TASOR: variants seen among roughly 807,000 people sequenced by gnomAD.
The protein encoded by TASOR is protein TASOR.
A neutral mutation model predicts 178.6 loss-of-function variants in TASOR; 53 were observed. That is an observed-to-expected ratio of 0.30 (90% CI 0.24 to 0.37). TASOR has a LOEUF of 0.37. Among genes scored for constraint, TASOR ranks in the 10% least tolerant of loss-of-function variants. The probability of loss-of-function intolerance (pLI) is 1.00; values close to 1 mark genes in which losing one functional copy is unlikely to be tolerated. For synonymous variants in TASOR, 713 were observed against 696.2 expected, an observed-to-expected ratio of 1.02 and a Z score of -0.38; for missense variants, 1,815 against 1,971.4, an observed-to-expected ratio of 0.92 and a Z score of 1.50.
intron 18 of TASOR, among the ~76,000 whole-genome samples, chr3:56,631,521 C>T (rs868753447): frequency 1.3e-5 from 2 of 151,586 alleles, no homozygotes; most frequent in Non-Finnish European, 1.5e-5. Flanking sequence ...AACAAACTTA[C>T]GTATCTATGT....
At chr3:56,643,054 A>G (rs968686810) in intron 14 of TASOR, among the ~76,000 whole-genome samples, 1 of 152,074 alleles carries the variant, frequency 6.6e-6, no homozygotes, top group Non-Finnish European at 1.5e-5. Flanking sequence ...ACCTGAAGTC[A>G]GGAGTTCGAA....
At position 56,624,993 on chromosome 3, in the gene TASOR, C is replaced by G; in HGVS notation, c.4153G>C (p.Ala1385Pro). ...TTCAGAAGCGTCAACAGACTTAGAGCTTTAGCATTCAATCTGTGAAATTAA... is the reference window on the plus strand; with the variant it reads ...TTCAGAAGCGTCAACAGACTTAGAGGTTTAGCATTCAATCTGTGAAATTAA... ...LKELGRLNAKALSLLTLLNVY... is the reference protein window; with the variant it reads ...LKELGRLNAKPLSLLTLLNVY... Residue 1385 changes from alanine (A) to proline (P), a missense_variant, in exon 22 of 24, where the codon GCT (alanine) becomes CCT (proline). By Grantham distance (27) the Ala-to-Pro change is conservative. Coordinates refer to ENST00000683822, the MANE Select transcript of TASOR (RefSeq NM_001365635.2). 1.2e-6 allele frequency: 2 copies of G among 1,613,850 alleles called. No homozygotes were observed. Among genetic ancestry groups the G allele is most frequent in the African/African-American group, 1.3e-5 (1 of 75,048 alleles).
rs1310031547 is a variant in TASOR at position 56,621,190 on chromosome 3, A to AAAC, written c.*1846_*1847insGTT. On this transcript the variant is annotated 3_prime_UTR_variant, in exon 24 of 24. Coordinates refer to ENST00000683822, the MANE Select transcript of TASOR (RefSeq NM_001365635.2). ...AAAACAAAACAACAACAACAAAAAA[A>AAAC]AAACACTGTATGTTAAGGGAGACTC... The AAAC allele has an allele frequency of 6.0e-6, 1 of 165,402 alleles. No individual in the cohort carries two copies. The highest frequency in any genetic ancestry group is 2.4e-5 in the African/African-American group (1 of 41,914). The allele number at this position is 165,402 out of a possible 1,614,324, so 10.2% of individuals were successfully genotyped here. A position where few individuals can be genotyped will look rare whatever the true frequency, so the allele number is the denominator to read the frequency against.
chr3:56,682,580 G>T, intron 1 of TASOR, 96 bp downstream of exon 1: 6 of 1,120,796 alleles, frequency 5.4e-6, no homozygotes, highest in Non-Finnish European at 7.2e-6. Flanking sequence ...GCGTGTTTAC[G>T]TATCTCGGAT....
At chr3:56,672,346 A>G (rs2030818920) in intron 2 of TASOR, among the ~76,000 whole-genome samples, 1 of 152,218 alleles carries the variant, frequency 6.6e-6, no homozygotes, top group African/African-American at 2.4e-5. Context: ...AATAATCGCT[A>G]CCATACCATG....
rs558830096 is a variant in TASOR, at chr3:56,666,674, G to A, written c.898-290C>T. On this transcript the variant is annotated intron_variant, in intron 6 of 23. Transcript: ENST00000683822. ...TTTCCTAATAAAAATATTATAAACA[G>A]AGCCTAAGCTCCCAGGTCAGCTCAG... 6.9e-4 allele frequency among the ~76,000 whole-genome samples: 105 copies of A among 152,000 alleles called. 1 individual carries two copies. Among genetic ancestry groups the A allele is most frequent in the African/African-American group, 2.5e-3 (105 of 41,452 alleles).
intron 1 of TASOR, 62 bp from the exon 2 acceptor site, chr3:56,673,787 T>C: frequency 1.3e-5 from 18 of 1,381,682 alleles, no homozygotes; most frequent in Non-Finnish European, 1.7e-5. Context: ...TATAGCTTTT[T>C]ATATTTTTGT....
intron 15 of TASOR, among the ~76,000 whole-genome samples, chr3:56,640,530 G>T (rs1301378889): frequency 6.6e-6 from 1 of 151,924 alleles, no homozygotes; most frequent in South Asian, 2.1e-4. Flanking sequence ...AAATACAAAA[G>T]ATATCAGAAA....
intron 16 of TASOR, among the ~76,000 whole-genome samples, 154 bp downstream of exon 16, chr3:56,639,832 T>A (rs2077087265): frequency 6.6e-6 from 1 of 152,216 alleles, no homozygotes; most frequent in Non-Finnish European, 1.5e-5. Context: ...TGATGAACAC[T>A]GTATTACTCA....
chr3:56,669,911 A>G, intron 4 of TASOR, 120 bp from the exon 5 acceptor site: 1 of 925,864 alleles, frequency 1.1e-6, no homozygotes, highest in Non-Finnish European at 1.6e-6. Flanking sequence ...ATCAGAAACA[A>G]AAGATAAAAC....
intron 13 of TASOR, among the ~76,000 whole-genome samples, chr3:56,647,707 A>G (rs1274515675): frequency 6.6e-6 from 1 of 152,168 alleles, no homozygotes; most frequent in East Asian, 1.9e-4. Flanking sequence ...CAGTGAAATA[A>G]AGCCATTAGT....
intron 1 of TASOR, among the ~76,000 whole-genome samples, chr3:56,680,965 G>A (rs1458619709): frequency 6.6e-6 from 1 of 151,536 alleles, no homozygotes; most frequent in Non-Finnish European, 1.5e-5. Context: ...AACAATCTCT[G>A]GATTTTATCT....
At position 56,650,574 on chromosome 3, in the gene TASOR, A is replaced by G. The variant is rs546204849; in HGVS notation, c.1369-1517T>C. On this transcript the variant is annotated intron_variant, in intron 11 of 23. Coordinates refer to ENST00000683822, the MANE Select transcript of TASOR (RefSeq NM_001365635.2). Reference sequence around the variant, plus strand: ...ATCTTTCCCCATTTTTACTGCCTGGATTCCATGAGGGTCAGTTATCAGGTC... The same window carrying G: ...ATCTTTCCCCATTTTTACTGCCTGGGTTCCATGAGGGTCAGTTATCAGGTC... 1.2e-4 allele frequency among the ~76,000 whole-genome samples: 19 copies of G among 152,284 alleles called. No homozygotes were observed. The South Asian group carries it at 3.9e-3, about 32-fold the overall frequency.
Position 56,683,117 on chromosome 3 carries a change from C to T in TASOR, c.-111G>A. On this transcript the variant is annotated 5_prime_UTR_variant, in exon 1 of 24. Coordinates refer to ENST00000683822, the MANE Select transcript of TASOR (RefSeq NM_001365635.2). ...CGAGCTGCTCTCAGCCCACCCACCCCCTTCCCCCCGTGGCCTCAGGCTGCG... is the reference window on the plus strand; with the variant it reads ...CGAGCTGCTCTCAGCCCACCCACCCTCTTCCCCCCGTGGCCTCAGGCTGCG... 3 of 1,267,504 alleles carry T rather than the reference C, an allele frequency of 2.4e-6. No individual in the cohort carries two copies. Among genetic ancestry groups the T allele is most frequent in the Middle Eastern group, 2.8e-4 (1 of 3,578 alleles). The allele number at this position is 1,267,504 out of a possible 1,614,324, so 78.5% of individuals were successfully genotyped here. A position where few individuals can be genotyped will look rare whatever the true frequency, so the allele number is the denominator to read the frequency against.
chr3:56,679,383 G>C lies in TASOR; in HGVS notation c.331+3293C>G, dbSNP rs374149788. ...TACGAAACAAAGTTTTTTGGACTGA[G>C]GATAGCTCAAAGTAAATTTTACCTT... is the stretch of plus-strand genomic sequence containing the variant. On this transcript the variant is annotated intron_variant, in intron 1 of 23. Coordinates refer to ENST00000683822, the MANE Select transcript of TASOR (RefSeq NM_001365635.2). 4.6e-5 allele frequency among the ~76,000 whole-genome samples: 7 copies of C among 152,282 alleles called. No homozygotes were observed. In the East Asian group the frequency reaches 1.3e-3, roughly 29 times the overall value.
chr3:56,673,885 GAA>G (rs11348731), intron 1 of TASOR, among the ~76,000 whole-genome samples, 160 bp from the exon 2 acceptor site: 1 of 144,698 alleles, frequency 6.9e-6, no homozygotes, highest in Non-Finnish European at 1.6e-5. Context: ...TTAACTCATT[GAA>G]AAAAAATGTA....
intron 18 of TASOR, among the ~76,000 whole-genome samples, chr3:56,630,858 A>C (rs1218684634): frequency 7.2e-6 from 1 of 138,888 alleles, no homozygotes; most frequent in East Asian, 2.1e-4. Context: ...TAAATAAATA[A>C]ATTTTTTAAA....
chr3:56,636,058 C>G (rs927316100), intron 17 of TASOR, among the ~76,000 whole-genome samples: 1 of 152,070 alleles, frequency 6.6e-6, no homozygotes, highest in Admixed American at 6.5e-5. Context: ...AATCCCAGCA[C>G]TTTGGGAGGC....
chr3:56,645,912 GC>G (rs2077227421), intron 14 of TASOR, among the ~76,000 whole-genome samples: 1 of 152,142 alleles, frequency 6.6e-6, no homozygotes, highest in Non-Finnish European at 1.5e-5. Flanking sequence ...ACTTTGGGAG[GC>G]CGAGGCAGGC....
Sources: gnomAD v4.1 joint callset for allele counts (sites outside exome capture counted in the v4.1 genomes callset) on GRCh38, gnomAD v4.1.1 for gene constraint, MANE v1.5 for transcripts, NCBI Gene and HGNC (gene_info 2026-07-23, HGNC 2026-07-21) for gene names.